Variants in BCKDHB observed in about 807,000 individuals in gnomAD.
BCKDHB encodes the protein 2-oxoisovalerate dehydrogenase subunit beta, mitochondrial.
Under a neutral mutation model 48.5 loss-of-function variants are expected in BCKDHB, and 41 were observed. The ratio of observed to expected loss-of-function variants is 0.85; its 90% CI spans 0.66 to 1.10. The LOEUF (loss-of-function observed/expected upper bound fraction) is 1.10. Ranked by LOEUF, BCKDHB falls within the 50% of genes least tolerant of loss-of-function variation. The probability of loss-of-function intolerance (pLI) is 0.00; values close to 1 mark genes in which losing one functional copy is unlikely to be tolerated. For synonymous variants in BCKDHB, 201 were observed against 174.8 expected (o/e 1.15, Z -1.18); for missense variants, 496 against 494.2 (o/e 1.00, Z -0.03).
chr6:80,281,523 A>G (rs555008988), intron 9 of BCKDHB, among the ~76,000 whole-genome samples: 1 of 152,362 alleles, frequency 6.6e-6, no homozygotes, highest in South Asian at 2.1e-4. Flanking sequence ...CCAGGAAGCC[A>G]GACAACATTT....
At chr6:80,464,516 A>G in the BCKDHB span, among the ~76,000 whole-genome samples, 1 of 152,198 alleles carries the variant, frequency 6.6e-6, no homozygotes, top group Non-Finnish European at 1.5e-5. Context: ...TAGAATTTCT[A>G]TGAATAATTG....
At chr6:80,263,044 A>G (rs1777369820) in intron 8 of BCKDHB, among the ~76,000 whole-genome samples, 2 of 152,206 alleles carry the variant, frequency 1.3e-5, no homozygotes, top group Admixed American at 6.6e-5. Context: ...AACCTAGATA[A>G]AAATTGATTT....
At chr6:80,233,186 A>G (rs631367) in intron 8 of BCKDHB, among the ~76,000 whole-genome samples, 138,612 of 152,112 alleles carry the variant, frequency 0.91, 63,237 homozygotes, top group East Asian at 0.99. Context: ...TATCTCATTA[A>G]CATAGTAAGC....
At chr6:80,439,273 G>A in the BCKDHB span, among the ~76,000 whole-genome samples, 9 of 151,990 alleles carry the variant, frequency 5.9e-5, no homozygotes, top group Non-Finnish European at 1.0e-4. Context: ...GAACTCAGTC[G>A]CATTTACTAC....
chr6:80,228,687 G>A (rs1483457310), intron 8 of BCKDHB, among the ~76,000 whole-genome samples: 1 of 152,064 alleles, frequency 6.6e-6, no homozygotes, highest in African/African-American at 2.4e-5. Flanking sequence ...GCTTGGGGTG[G>A]GGGGTTTTGT....
At chr6:80,196,001 T>C (rs1774111563) in intron 6 of BCKDHB, among the ~76,000 whole-genome samples, 1 of 152,160 alleles carries the variant, frequency 6.6e-6, no homozygotes, top group South Asian at 2.1e-4. Context: ...CCGAGTTTCA[T>C]GTTTGTGGGG....
chr6:80,205,488 C>T (rs374727451), intron 8 of BCKDHB, among the ~76,000 whole-genome samples: 8 of 152,140 alleles, frequency 5.3e-5, no homozygotes, highest in African/African-American at 1.9e-4. Flanking sequence ...ATACTCTATA[C>T]ACTAAAATGC....
At chr6:80,359,758 C>A in the BCKDHB span, among the ~76,000 whole-genome samples, 1 of 152,052 alleles carries the variant, frequency 6.6e-6, no homozygotes, top group Non-Finnish European at 1.5e-5. Context: ...CCACGCCTGG[C>A]TAATTTTTGT....
chr6:80,112,170 C>G lies in BCKDHB; in HGVS notation c.196+5281C>G, dbSNP rs144532742. Among the ~76,000 whole-genome samples, 9 of 152,316 alleles carry G rather than the reference C, an allele frequency of 5.9e-5. No individual in the cohort carries two copies. The East Asian group carries it at 1.7e-3, about 29-fold the overall frequency. On this transcript the variant is annotated intron_variant, in intron 1 of 9. Transcript: ENST00000320393. Reference sequence around the variant, plus strand: ...GTACATACAAATAAACACATCTAGACATGTATACACAAACACAAATGAAGA... The same window carrying G: ...GTACATACAAATAAACACATCTAGAGATGTATACACAAACACAAATGAAGA...
chr6:80,409,153 G>T, the BCKDHB span, among the ~76,000 whole-genome samples: 1 of 152,058 alleles, frequency 6.6e-6, no homozygotes, highest in African/African-American at 2.4e-5. Context: ...TCAGGAGCAG[G>T]TTGTTCAGTT....
intron 8 of BCKDHB, among the ~76,000 whole-genome samples, chr6:80,253,256 C>T (rs575505711): frequency 1.3e-5 from 2 of 152,210 alleles, no homozygotes; most frequent in East Asian, 1.9e-4. Context: ...GTAACACCAG[C>T]GTGCCATGCA....
intron 8 of BCKDHB, among the ~76,000 whole-genome samples, chr6:80,221,932 G>T (rs528204678): frequency 6.6e-6 from 1 of 152,068 alleles, no homozygotes; most frequent in East Asian, 1.9e-4. Flanking sequence ...TTCCAATGGC[G>T]TTTCCTAATT....
the BCKDHB span, among the ~76,000 whole-genome samples, chr6:80,365,349 TG>T: frequency 1.3e-5 from 2 of 152,198 alleles, no homozygotes; most frequent in African/African-American, 4.8e-5. Context: ...CTGAGGGTAC[TG>T]CAGGAGACCA....
intron 3 of BCKDHB, among the ~76,000 whole-genome samples, chr6:80,160,945 C>T (rs1331309823): frequency 6.6e-6 from 1 of 152,098 alleles, no homozygotes; most frequent in African/African-American, 2.4e-5. Context: ...CAGAAATTTT[C>T]ATTTTATTCA....
intron 9 of BCKDHB, among the ~76,000 whole-genome samples, chr6:80,311,178 C>G (rs966531436): frequency 2.0e-5 from 3 of 152,152 alleles, no homozygotes; most frequent in African/African-American, 7.2e-5. Context: ...TACACAAGCT[C>G]TCTCTTTTTG....
the BCKDHB span, chr6:80,441,116 A>G: frequency 6.6e-6 from 1 of 152,188 alleles, no homozygotes; most frequent in Non-Finnish European, 1.5e-5. Flanking sequence ...GATGGTTAAA[A>G]CAGACACTTA....
the BCKDHB span, among the ~76,000 whole-genome samples, chr6:80,427,621 T>A: frequency 4.6e-5 from 7 of 152,214 alleles, no homozygotes; most frequent in African/African-American, 1.7e-4. Flanking sequence ...TTAATATTTC[T>A]TTTTGTGCCT....
intron 8 of BCKDHB, among the ~76,000 whole-genome samples, chr6:80,206,202 A>T (rs1328276163): frequency 3.3e-5 from 5 of 152,098 alleles, no homozygotes; most frequent in Non-Finnish European, 7.4e-5. Context: ...GAGGCAAACC[A>T]GATGTAGACC....
intron 8 of BCKDHB, among the ~76,000 whole-genome samples, chr6:80,241,048 T>C (rs1233177531): frequency 6.6e-6 from 1 of 152,136 alleles, no homozygotes. Context: ...AATCGGCCAC[T>C]GAAGCTTGTG....
Sources: gnomAD v4.1 joint callset for allele counts (sites outside exome capture counted in the v4.1 genomes callset) on GRCh38, gnomAD v4.1.1 for gene constraint, MANE v1.5 for transcripts, NCBI Gene and HGNC (gene_info 2026-07-23, HGNC 2026-07-21) for gene names.